CLTC: variants seen among roughly 807,000 people sequenced by gnomAD.
CLTC encodes the protein clathrin heavy chain 1.
CLTC carries 16 observed loss-of-function variants against 195.8 expected under a neutral mutation model. The ratio of observed to expected loss-of-function variants is 0.08; its 90% confidence interval spans 0.06 to 0.12. The LOEUF is 0.12. Ranked by LOEUF, CLTC falls within the 10% of genes least tolerant of loss-of-function variation. The pLI is 1.00. For missense variants in CLTC, 796 were observed against 2,027.0 expected (o/e 0.39, Z 11.66); for synonymous variants, 667 against 689.4 (o/e 0.97, Z 0.51).
chr17:59,681,525 G>A lies in CLTC; in HGVS notation c.3249+47G>A, dbSNP rs2033080955. The A allele has an allele frequency of 1.3e-6, 2 of 1,599,636 alleles. No individual in the cohort carries two copies. The highest frequency in any genetic ancestry group is 1.7e-6 in the Non-Finnish European group (2 of 1,168,906). The stretch of plus-strand genomic sequence containing the variant: ...GTTGAATTACTAAACACTGTGCTAT[G>A]AGGGTGGGCCTAATTGGTTGCTACG... On this transcript the variant is annotated intron_variant, in intron 20 of 31. Coordinates refer to ENST00000269122, the MANE Select transcript of CLTC (RefSeq NM_004859.4). The surrounding 1 kb of genome is among the most constrained non-coding windows in gnomAD (Gnocchi z 5.0).
At chr17:59,622,764 G>GTTAT (rs1210768904) in intron 1 of CLTC, among the ~76,000 whole-genome samples, 1 of 152,132 alleles carries the variant, frequency 6.6e-6, no homozygotes, top group African/African-American at 2.4e-5. Flanking sequence ...GAAACACGTA[G>GTTAT]GATAAAAACT....
rs17580385 is a variant in CLTC, at chr17:59,666,290, T to C, written c.1782+50T>C. 129,668 of 1,599,250 alleles carry C rather than the reference T, an allele frequency of 0.081. 5,823 individuals are homozygous for C. Among genetic ancestry groups the C allele is most frequent in the Non-Finnish European group, 0.093 (108,913 of 1,167,594 alleles). On this transcript the variant is annotated intron_variant, in intron 11 of 31. Coordinates refer to ENST00000269122, the MANE Select transcript of CLTC (RefSeq NM_004859.4). The surrounding 1 kb of genome is among the most constrained non-coding windows in gnomAD (Gnocchi z 4.9). ...CATGTTTCCAACATTGTTTTAGTAA[T>C]TGTGCAGCGCCTCTCAGATTGTTAT...
chr17:59,619,982 C>T lies in CLTC; in HGVS notation c.-150C>T, dbSNP rs182240897. 201 of 657,022 alleles carry T rather than the reference C, an allele frequency of 3.1e-4. No homozygotes were observed. The highest frequency in any genetic ancestry group is 3.7e-4 in the Non-Finnish European group (140 of 378,494). 40.7% of individuals were successfully genotyped at this position (657,022 alleles called of 1,614,324 possible). A position where few individuals can be genotyped will look rare whatever the true frequency, so the allele number is the denominator to read the frequency against. ...CCTCCGCCCCCGACCCGAGCTCTTT[C>T]GTCTGCCTGCCAGTTTCCTGCGTCC... On this transcript the variant is annotated 5_prime_UTR_variant, in exon 1 of 32. Transcript: ENST00000269122.
In CLTC at chr17:59,661,646, A is replaced by T. The variant is rs80264443; in HGVS notation, c.1368+3A>T. On this transcript the variant is annotated splice_donor_region_variant and intron_variant, in intron 8 of 31. Coordinates refer to ENST00000269122, the MANE Select transcript of CLTC (RefSeq NM_004859.4). The stretch of plus-strand genomic sequence containing the variant: ...AGAAATGGTTAAAAGAAGATAAGGT[A>T]CGTTAAATTATGTTGACATAATCTT... The T allele has an allele frequency of 0.017, 27,763 of 1,613,176 alleles. 358 individuals carry two copies. The highest frequency in any genetic ancestry group is 0.018 in the Middle Eastern group (109 of 6,054).
At chr17:59,653,875 C>A (rs992142881) in intron 5 of CLTC, among the ~76,000 whole-genome samples, 1 of 150,162 alleles carries the variant, frequency 6.7e-6, no homozygotes, top group Non-Finnish European at 1.5e-5. Context: ...TGGATTCAAG[C>A]GATTCTCATG....
At position 59,685,370 on chromosome 17, in the gene CLTC, C is replaced by A; in HGVS notation, c.4605+144C>A. 1 of 909,146 alleles carries A rather than the reference C, an allele frequency of 1.1e-6. No individual in the cohort carries two copies. Among genetic ancestry groups the A allele is most frequent in the Non-Finnish European group, 1.6e-6 (1 of 629,196 alleles). 56.3% of individuals were successfully genotyped at this position (909,146 alleles called of 1,614,324 possible). ...ATTTAAGTTAATGGATTTCTTGATT[C>A]TAGGGGCTCTCTTATGTTAAGGTCA... On this transcript the variant is annotated intron_variant, in intron 29 of 31. Transcript: ENST00000269122. This position sits in a 1 kb window ranked among gnomAD's most constrained non-coding sequence, Gnocchi z 5.0.
chr17:59,629,518 AT>A (rs5821273), intron 1 of CLTC, among the ~76,000 whole-genome samples: 1,887 of 126,016 alleles, frequency 0.015, 31 homozygotes, highest in African/African-American at 0.046. Flanking sequence ...AGAGATCATA[AT>A]TTTTTTTTTT....
intron 5 of CLTC, among the ~76,000 whole-genome samples, chr17:59,654,397 C>G (rs1387329124): frequency 1.3e-5 from 2 of 150,468 alleles, no homozygotes; most frequent in East Asian, 4.0e-4. Flanking sequence ...AGGCTGGTCT[C>G]GAACTCCTGA....
intron 1 of CLTC, among the ~76,000 whole-genome samples, chr17:59,629,830 A>G (rs1415498655): frequency 6.8e-6 from 1 of 147,724 alleles, no homozygotes; most frequent in Non-Finnish European, 1.5e-5. Context: ...AGAGATCATA[A>G]TTTACATAGA....
intron 1 of CLTC, among the ~76,000 whole-genome samples, chr17:59,636,554 G>A (rs998907363): frequency 7.9e-5 from 12 of 150,946 alleles, no homozygotes; most frequent in Non-Finnish European, 4.4e-5. Context: ...TTCCCTTGTT[G>A]CCCAGGCTGG....
chr17:59,655,039 A>C (rs2032430928), intron 5 of CLTC, among the ~76,000 whole-genome samples: 2 of 152,242 alleles, frequency 1.3e-5, no homozygotes, highest in Admixed American at 6.5e-5. Context: ...TGTTCACTGG[A>C]GTAGCACTTT....
chr17:59,623,298 C>T (rs2031441871), intron 1 of CLTC, among the ~76,000 whole-genome samples: 3 of 152,184 alleles, frequency 2.0e-5, no homozygotes, highest in Admixed American at 6.5e-5. Flanking sequence ...GGATTTACTA[C>T]ATGCTTAGTT....
In CLTC at chr17:59,679,632, AAAGC is replaced by A. The variant is rs2033041172; in HGVS notation, c.2919+116_2919+119del. On this transcript the variant is annotated intron_variant, in intron 18 of 31. Coordinates refer to ENST00000269122, the MANE Select transcript of CLTC (RefSeq NM_004859.4). ...AATGGATCATATATAACTATGAGAG[AAAGC>A]AATACAAAGTAGAAGAAAATTAAAA... The A allele has an allele frequency of 1.4e-5, 12 of 876,232 alleles. No homozygotes were observed. In the South Asian group the frequency reaches 3.6e-4, roughly 26 times the overall value. 54.3% of individuals were successfully genotyped at this position (876,232 alleles called of 1,614,324 possible).
chr17:59,647,870 G>C (rs909786013), intron 3 of CLTC, among the ~76,000 whole-genome samples: 2 of 150,672 alleles, frequency 1.3e-5, no homozygotes, highest in African/African-American at 4.9e-5. Flanking sequence ...TTGCTATACT[G>C]ACATATAATT....
rs1167966316 is a variant in CLTC at position 59,694,930 on chromosome 17, A to T, written c.*1078A>T. The T allele has an allele frequency of 9.0e-6, 2 of 222,220 alleles. No homozygotes were observed. Among genetic ancestry groups the T allele is most frequent in the Non-Finnish European group, 1.8e-5 (2 of 110,964 alleles). The allele number at this position is 222,220 out of a possible 1,614,324, so 13.8% of individuals were successfully genotyped here. On this transcript the variant is annotated 3_prime_UTR_variant, in exon 32 of 32. Coordinates refer to ENST00000269122, the MANE Select transcript of CLTC (RefSeq NM_004859.4). Reference sequence around the variant, plus strand: ...GCATTATATCAATGTGCATTCCTGTAGTTCATTAACAAGGTACATGCAATA... The same window carrying T: ...GCATTATATCAATGTGCATTCCTGTTGTTCATTAACAAGGTACATGCAATA...
chr17:59,641,582 C>G (rs564435699), intron 1 of CLTC, among the ~76,000 whole-genome samples: 421 of 110,348 alleles, frequency 3.8e-3, no homozygotes, highest in African/African-American at 0.014. Context: ...GCCTGGCTGG[C>G]GACAGAGCAA....
In CLTC at chr17:59,683,468, A is replaced by G; in HGVS notation, c.4123A>G (p.Ile1375Val). The stretch of plus-strand genomic sequence containing the variant: ...CAAGTATGAAGAATATGATAATGCC[A>G]TAATTACCATGATGAATCATCCAAC... ...YDKYEEYDNAIITMMNHPTDA... is the reference protein window; with the variant it reads ...YDKYEEYDNAVITMMNHPTDA... Residue 1375 changes from isoleucine (I) to valine (V), a missense_variant, in exon 26 of 32, where the codon ATA (isoleucine) becomes GTA (valine). Ile to Val is a conservative substitution (Grantham distance 29). Coordinates refer to ENST00000269122, the MANE Select transcript of CLTC (RefSeq NM_004859.4). This position sits in a 1 kb window ranked among gnomAD's most constrained non-coding sequence, Gnocchi z 6.1. 2 of 1,614,030 alleles carry G rather than the reference A, an allele frequency of 1.2e-6. No individual in the cohort carries two copies. Among genetic ancestry groups the G allele is most frequent in the Non-Finnish European group, 1.7e-6 (2 of 1,179,950 alleles).
intron 1 of CLTC, among the ~76,000 whole-genome samples, chr17:59,632,529 C>T (rs561770387): frequency 7.9e-5 from 12 of 151,680 alleles, no homozygotes; most frequent in Non-Finnish European, 1.5e-4. Flanking sequence ...AAAAACAAAA[C>T]AAACTCGGGA....
At chr17:59,622,930 A>G (rs2031428976) in intron 1 of CLTC, among the ~76,000 whole-genome samples, 1 of 152,202 alleles carries the variant, frequency 6.6e-6, no homozygotes, top group African/African-American at 2.4e-5. Context: ...ATATATGAAG[A>G]TTTCTCTTTT....
Sources: allele counts gnomAD v4.1 joint callset (sites outside exome capture counted in the v4.1 genomes callset), GRCh38; gene constraint gnomAD v4.1.1; non-coding constraint Gnocchi (gnomAD v3.1); transcripts MANE v1.5; gene names NCBI Gene and HGNC (gene_info 2026-07-23, HGNC 2026-07-21).